Variants in NXPH1 observed in about 807,000 individuals in gnomAD.
NXPH1 encodes the protein neurexophilin 1, also known as neurexophilin-1.
A neutral mutation model predicts 23.7 loss-of-function variants in NXPH1; 5 were observed. The observed-to-expected ratio is 0.21, with a 90% CI of 0.11 to 0.44. The LOEUF is 0.44. Ranked by LOEUF, NXPH1 falls within the 20% of genes least tolerant of loss-of-function variation. NXPH1 has a pLI of 0.99. For synonymous variants in NXPH1, 144 were observed against 122.2 expected (o/e 1.18, Z -1.18); for missense variants, 324 against 321.6 (o/e 1.01, Z -0.06).
At chr7:8,665,914 T>G (rs1456002563) in intron 2 of NXPH1, among the ~76,000 whole-genome samples, 282 of 23,220 alleles carry the variant, frequency 0.012, 9 homozygotes, top group East Asian at 0.036. Context: ...TTTTTTTTCT[T>G]TTTCTTTTTT....
intron 2 of NXPH1, among the ~76,000 whole-genome samples, chr7:8,676,623 A>T (rs1346426153): frequency 6.6e-6 from 1 of 152,228 alleles, no homozygotes; most frequent in Admixed American, 6.5e-5. Context: ...CTGGTGACTT[A>T]GGATTCCAAG....
chr7:8,726,340 GTAT>G (rs1393627685), intron 2 of NXPH1, among the ~76,000 whole-genome samples: 7 of 143,260 alleles, frequency 4.9e-5, no homozygotes, highest in Admixed American at 7.0e-5. Context: ...TTTTTTAAAT[GTAT>G]TATTATTATA....
intron 2 of NXPH1, among the ~76,000 whole-genome samples, chr7:8,482,252 CCT>C (rs1817086440): frequency 6.6e-6 from 1 of 152,104 alleles, no homozygotes; most frequent in African/African-American, 2.4e-5. Flanking sequence ...GAATCTGGCC[CCT>C]GTCAGCAGTG....
intron 2 of NXPH1, among the ~76,000 whole-genome samples, chr7:8,629,591 G>A (rs1321642221): frequency 1.3e-5 from 2 of 152,064 alleles, no homozygotes; most frequent in South Asian, 2.1e-4. Context: ...ATAAGTCATC[G>A]AGATTACTAA....
rs1458348621 is a variant in NXPH1, at chr7:8,435,892, G to C, written c.54+125G>C. 2.2e-6 allele frequency: 2 copies of C among 924,434 alleles called. No homozygotes were observed. The highest frequency in any genetic ancestry group is 3.6e-6 in the Non-Finnish European group (2 of 560,338). 57.3% of individuals were successfully genotyped at this position (924,434 alleles called of 1,614,324 possible). A position where few individuals can be genotyped will look rare whatever the true frequency, so the allele number is the denominator to read the frequency against. On this transcript the variant is annotated intron_variant, in intron 2 of 2. Coordinates refer to ENST00000405863, the MANE Select transcript of NXPH1 (RefSeq NM_152745.3). The surrounding 1 kb of genome is among the most constrained non-coding windows in gnomAD (Gnocchi z 5.9). ...AGAGCAGCTTCCTAGCAGCTGTGTT[G>C]GAGCAACTTTGGCAAGCTGGTCTCT...
chr7:8,598,718 T>A (rs574109081), intron 2 of NXPH1, among the ~76,000 whole-genome samples: 1 of 152,318 alleles, frequency 6.6e-6, no homozygotes, highest in East Asian at 1.9e-4. Flanking sequence ...GTTATTATTG[T>A]CATGATCTGC....
At chr7:8,530,266 C>A (rs899179840) in intron 2 of NXPH1, among the ~76,000 whole-genome samples, 4 of 152,114 alleles carry the variant, frequency 2.6e-5, no homozygotes, top group African/African-American at 9.7e-5. Context: ...TAACCTGTAG[C>A]AAATGCCTCA....
At chr7:8,606,626 G>A (rs1819498697) in intron 2 of NXPH1, among the ~76,000 whole-genome samples, 1 of 151,924 alleles carries the variant, frequency 6.6e-6, no homozygotes, top group South Asian at 2.1e-4. Context: ...TTTGTACTGG[G>A]CAAAGATACA....
At chr7:8,608,092 G>T (rs561692407) in intron 2 of NXPH1, among the ~76,000 whole-genome samples, 6 of 152,286 alleles carry the variant, frequency 3.9e-5, no homozygotes, top group Non-Finnish European at 8.8e-5. Flanking sequence ...CCTAATTTTG[G>T]CTTCTACCCT....
At chr7:8,492,087 A>G (rs1356573572) in intron 2 of NXPH1, among the ~76,000 whole-genome samples, 1 of 152,036 alleles carries the variant, frequency 6.6e-6, no homozygotes, top group Non-Finnish European at 1.5e-5. Flanking sequence ...TGCAAGCACA[A>G]GGAAATATGT....
chr7:8,453,005 A>G (rs1816533180), intron 2 of NXPH1, among the ~76,000 whole-genome samples: 2 of 152,134 alleles, frequency 1.3e-5, no homozygotes, highest in Non-Finnish European at 2.9e-5. Flanking sequence ...GGAATATAGT[A>G]TCTGCAGGCC....
intron 2 of NXPH1, among the ~76,000 whole-genome samples, chr7:8,460,860 G>A (rs1161888208): frequency 6.6e-6 from 1 of 152,198 alleles, no homozygotes; most frequent in Non-Finnish European, 1.5e-5. Context: ...GAAGATTGGA[G>A]TGATCATCTC....
At chr7:8,470,333 G>C (rs972000173) in intron 2 of NXPH1, among the ~76,000 whole-genome samples, 4 of 152,160 alleles carry the variant, frequency 2.6e-5, no homozygotes, top group African/African-American at 9.6e-5. Flanking sequence ...AAGAATGAGA[G>C]GGAAGTTTTT....
At chr7:8,567,166 C>A (rs1269122143) in intron 2 of NXPH1, among the ~76,000 whole-genome samples, 1 of 151,888 alleles carries the variant, frequency 6.6e-6, no homozygotes, top group Non-Finnish European at 1.5e-5. Context: ...GTTTCCAACT[C>A]TAAATATGAT....
intron 2 of NXPH1, among the ~76,000 whole-genome samples, chr7:8,637,750 T>C (rs1332010165): frequency 6.6e-6 from 1 of 152,234 alleles, no homozygotes; most frequent in Non-Finnish European, 1.5e-5. Flanking sequence ...TTCAGCTTCA[T>C]TGAATTTGTT....
intron 2 of NXPH1, among the ~76,000 whole-genome samples, chr7:8,495,918 G>A (rs1457628246): frequency 6.6e-6 from 1 of 152,026 alleles, no homozygotes; most frequent in African/African-American, 2.4e-5. Context: ...TGTTTCTGGT[G>A]AATCACAGGA....
chr7:8,533,491 A>T (rs775041384), intron 2 of NXPH1, among the ~76,000 whole-genome samples: 9 of 152,118 alleles, frequency 5.9e-5, no homozygotes, highest in Non-Finnish European at 1.0e-4. Flanking sequence ...GCATTTTTAA[A>T]AAAATTCAGG....
chr7:8,628,619 A>G (rs1820050551), intron 2 of NXPH1, among the ~76,000 whole-genome samples: 1 of 152,064 alleles, frequency 6.6e-6, no homozygotes, highest in Non-Finnish European at 1.5e-5. Context: ...GGTATGAAAG[A>G]AATGATTCTT....
At chr7:8,490,108 C>T (rs1817224604) in intron 2 of NXPH1, among the ~76,000 whole-genome samples, 1 of 152,032 alleles carries the variant, frequency 6.6e-6, no homozygotes, top group Non-Finnish European at 1.5e-5. Context: ...AATATCCTCT[C>T]AAGGCATGTG....
Sources: gnomAD v4.1 joint callset for allele counts (sites outside exome capture counted in the v4.1 genomes callset) on GRCh38, gnomAD v4.1.1 for gene constraint, Gnocchi (gnomAD v3.1) non-coding constraint, MANE v1.5 for transcripts, NCBI Gene and HGNC (gene_info 2026-07-23, HGNC 2026-07-21) for gene names.